Variants in TMOD2 observed in about 807,000 individuals in gnomAD.
The protein encoded by TMOD2 is tropomodulin 2, also known as tropomodulin-2.
TMOD2 carries 22 observed loss-of-function variants against 39.9 expected under a neutral mutation model. The ratio of observed to expected loss-of-function variants is 0.55; its 90% CI spans 0.39 to 0.79. The LOEUF is 0.79. Among genes scored for constraint, TMOD2 ranks in the 30% least tolerant of loss-of-function variants. TMOD2 has a pLI of 0.00. For missense variants in TMOD2, 386 were observed against 413.3 expected (o/e 0.93, Z 0.57); for synonymous variants, 123 against 146.1 (o/e 0.84, Z 1.14).
intron 1 of TMOD2, chr15:51,756,298 CTT>C (rs1328602518): frequency 1.3e-5 from 2 of 152,202 alleles, no homozygotes; most frequent in Non-Finnish European, 2.9e-5. Flanking sequence ...GGTTTTGCCT[CTT>C]TATATTCAGC....
intron 8 of TMOD2, among the ~76,000 whole-genome samples, chr15:51,800,987 G>A (rs981730831): frequency 1.3e-5 from 2 of 152,158 alleles, no homozygotes; most frequent in Non-Finnish European, 2.9e-5. Flanking sequence ...TTACAGACAT[G>A]AGCCCCACCG....
At chr15:51,782,625 C>T in intron 6 of TMOD2, 96 bp from the exon 7 acceptor site, 1 of 922,786 alleles carries the variant, frequency 1.1e-6, no homozygotes, top group Non-Finnish European at 1.7e-6. Flanking sequence ...GTGTATTTAT[C>T]TACACATACC....
Position 51,779,460 on chromosome 15 carries a change from A to G in TMOD2, c.494-1584A>G, listed in dbSNP as rs60296033. On this transcript the variant is annotated intron_variant, in intron 5 of 9. Coordinates refer to ENST00000249700, the MANE Select transcript of TMOD2 (RefSeq NM_014548.4). ...CAGTGGCACGATCTCAGCTCACTGC[A>G]AGCTCTGCCTCCCGGGTTCATGCCA... is the stretch of plus-strand genomic sequence containing the variant. 2.9e-3 allele frequency among the ~76,000 whole-genome samples: 441 copies of G among 151,394 alleles called. 2 individuals carry two copies. The highest frequency in any genetic ancestry group is 0.01 in the African/African-American group (421 of 41,194).
chr15:51,813,558 C>A lies in TMOD2; in HGVS notation c.*5104C>A, dbSNP rs189570814. 1 of 152,328 alleles carries A rather than the reference C, an allele frequency of 6.6e-6. No individual in the cohort carries two copies. Among genetic ancestry groups the A allele is most frequent in the East Asian group, 1.9e-4 (1 of 5,184 alleles). The allele number at this position is 152,328 out of a possible 1,614,324, so 9.4% of individuals were successfully genotyped here. A position where few individuals can be genotyped will look rare whatever the true frequency, so the allele number is the denominator to read the frequency against. ...TGGAGACTGAAACCTAATCCCATCA[C>A]CAACACTTAGCAGGTATATGATCAT... On this transcript the variant is annotated 3_prime_UTR_variant, in exon 10 of 10. Transcript: ENST00000249700.
At chr15:51,785,568 G>A (rs2055963737) in intron 7 of TMOD2, among the ~76,000 whole-genome samples, 3 of 151,476 alleles carry the variant, frequency 2.0e-5, no homozygotes, top group Admixed American at 2.0e-4. Context: ...AACAAGCCAA[G>A]CAAAAAAAAA....
At chr15:51,755,341 C>A (rs369545364) in intron 1 of TMOD2, among the ~76,000 whole-genome samples, 1 of 152,186 alleles carries the variant, frequency 6.6e-6, no homozygotes, top group South Asian at 2.1e-4. Context: ...GCTATTTCTG[C>A]TTTTATGATT....
intron 1 of TMOD2, 81 bp downstream of exon 1, chr15:51,751,793 C>G (rs2055705346): frequency 6.6e-6 from 1 of 150,570 alleles, no homozygotes; most frequent in Non-Finnish European, 1.5e-5. Flanking sequence ...CGGTGGCCGC[C>G]GTGCCCTCCC....
At chr15:51,783,211 C>T (rs937172591) in intron 7 of TMOD2, 5 of 189,626 alleles carry the variant, frequency 2.6e-5, no homozygotes, top group Non-Finnish European at 4.4e-5. Context: ...TAGCTGGGCG[C>T]GGTAGCTCAT....
chr15:51,782,652 T>C, intron 6 of TMOD2, 69 bp from the exon 7 acceptor site: 2 of 1,209,220 alleles, frequency 1.7e-6, no homozygotes, highest in South Asian at 2.5e-5. Flanking sequence ...TTAAAGGTTG[T>C]GGGTTCTTAC....
chr15:51,797,641 G>A (rs563735913), intron 7 of TMOD2, among the ~76,000 whole-genome samples: 6 of 152,224 alleles, frequency 3.9e-5, no homozygotes, highest in Admixed American at 6.5e-5. Flanking sequence ...TGTGCAGTCC[G>A]CTGTCTCAAA....
intron 7 of TMOD2, among the ~76,000 whole-genome samples, chr15:51,785,182 G>A (rs892844637): frequency 2.6e-5 from 4 of 152,104 alleles, no homozygotes; most frequent in African/African-American, 9.7e-5. Flanking sequence ...GGAGGCCGAG[G>A]CGGGTGGATC....
At chr15:51,807,452 G>A (rs1034384342) in intron 9 of TMOD2, among the ~76,000 whole-genome samples, 2 of 152,234 alleles carry the variant, frequency 1.3e-5, no homozygotes, top group African/African-American at 4.8e-5. Context: ...GCATCAGGAA[G>A]CTGGCTGGAC....
At chr15:51,805,797 A>G (rs1289803968) in intron 8 of TMOD2, among the ~76,000 whole-genome samples, 1 of 152,204 alleles carries the variant, frequency 6.6e-6, no homozygotes, top group East Asian at 1.9e-4. Context: ...AAAATTAAAA[A>G]CATTTTATAA....
intron 7 of TMOD2, among the ~76,000 whole-genome samples, chr15:51,794,539 A>T (rs534219516): frequency 1.3e-5 from 2 of 152,156 alleles, no homozygotes; most frequent in South Asian, 4.2e-4. Context: ...ACATAGAGAG[A>T]CCTGTTTCTA....
chr15:51,786,465 G>A (rs1293810601), intron 7 of TMOD2, among the ~76,000 whole-genome samples: 1 of 152,128 alleles, frequency 6.6e-6, no homozygotes, highest in African/African-American at 2.4e-5. Flanking sequence ...GAAGCCCTGT[G>A]CAATTGGCAT....
In TMOD2 at chr15:51,808,723, T is replaced by G. The variant is rs1354513647; in HGVS notation, c.*269T>G. The G allele has an allele frequency of 6.2e-5, 20 of 324,806 alleles. No individual in the cohort carries two copies. The highest frequency in any genetic ancestry group is 2.8e-5 in the Non-Finnish European group (5 of 177,364). 20.1% of individuals were successfully genotyped at this position (324,806 alleles called of 1,614,324 possible). On this transcript the variant is annotated 3_prime_UTR_variant, in exon 10 of 10. Coordinates refer to ENST00000249700, the MANE Select transcript of TMOD2 (RefSeq NM_014548.4). ...GAGAGTGACGACATGGAAAATGAATTTAACCACTTTCTTATTGGGTTGTCT... is the reference window on the plus strand; with the variant it reads ...GAGAGTGACGACATGGAAAATGAATGTAACCACTTTCTTATTGGGTTGTCT...
Position 51,761,018 on chromosome 15 carries a change from A to G in TMOD2, c.-69-5355A>G, listed in dbSNP as rs899116418. 2.0e-5 allele frequency among the ~76,000 whole-genome samples: 3 copies of G among 152,110 alleles called. No homozygotes were observed. In the South Asian group the frequency reaches 6.2e-4, roughly 32 times the overall value. ...AAACAGGAAGTGCAGGTTAAAGCCAAATCATGGGAGCTTTGGAGCTAGATT... is the reference window on the plus strand; with the variant it reads ...AAACAGGAAGTGCAGGTTAAAGCCAGATCATGGGAGCTTTGGAGCTAGATT... On this transcript the variant is annotated intron_variant, in intron 1 of 9. Coordinates refer to ENST00000249700, the MANE Select transcript of TMOD2 (RefSeq NM_014548.4).
rs1238930522 is a variant in TMOD2 at position 51,784,913 on chromosome 15, ATAATC to A, written c.732+2089_732+2093del. ...AATCAACTCTCAACACTACTGGTAA[ATAATC>A]TAACTCCTATTCTAGACCAAATAAA... On this transcript the variant is annotated intron_variant, in intron 7 of 9. Transcript: ENST00000249700. 7 of 152,352 alleles carry A rather than the reference ATAATC, an allele frequency of 4.6e-5. No homozygotes were observed. In the East Asian group the frequency reaches 1.2e-3, roughly 25 times the overall value. 9.4% of individuals were successfully genotyped at this position (152,352 alleles called of 1,614,324 possible). A position where few individuals can be genotyped will look rare whatever the true frequency, so the allele number is the denominator to read the frequency against.
intron 9 of TMOD2, among the ~76,000 whole-genome samples, chr15:51,807,124 C>T (rs561615540): frequency 1.3e-5 from 2 of 152,316 alleles, no homozygotes; most frequent in African/African-American, 4.8e-5. Context: ...AAAGCTTGGT[C>T]TGAGGATATC....
Sources: gnomAD v4.1 joint callset for allele counts (sites outside exome capture counted in the v4.1 genomes callset) on GRCh38, gnomAD v4.1.1 for gene constraint, MANE v1.5 for transcripts, NCBI Gene and HGNC (gene_info 2026-07-23, HGNC 2026-07-21) for gene names.